HECW1: variants seen among roughly 807,000 people sequenced by gnomAD.
The protein encoded by HECW1 is E3 ubiquitin-protein ligase HECW1.
A neutral mutation model predicts 182.3 loss-of-function variants in HECW1; 61 were observed. The observed-to-expected ratio is 0.33, with a 90% confidence interval of 0.27 to 0.41. The LOEUF (loss-of-function observed/expected upper bound fraction) is 0.41. Ranked by LOEUF, HECW1 falls within the 10% of genes least tolerant of loss-of-function variation. HECW1 has a pLI of 1.00. For synonymous variants in HECW1, 859 were observed against 832.6 expected (o/e 1.03, Z -0.55); for missense variants, 1,739 against 2,108.9 (o/e 0.82, Z 3.44).
intron 26 of HECW1, among the ~76,000 whole-genome samples, chr7:43,547,616 A>C (rs972877430): frequency 2.6e-5 from 4 of 152,012 alleles, no homozygotes; most frequent in Admixed American, 1.3e-4. Flanking sequence ...CCAGGTTTTC[A>C]CACCTGCTGG....
intron 8 of HECW1, among the ~76,000 whole-genome samples, chr7:43,415,622 G>A (rs558566487): frequency 1.0e-4 from 15 of 149,650 alleles, no homozygotes; most frequent in East Asian, 7.9e-4. Context: ...CCTGCAGAGC[G>A]TTTTCCAACT....
chr7:43,282,778 ATAT>A (rs1345552296), intron 3 of HECW1, among the ~76,000 whole-genome samples: 12 of 152,184 alleles, frequency 7.9e-5, no homozygotes, highest in Non-Finnish European at 1.3e-4. Flanking sequence ...TATAGAATCA[ATAT>A]TATGCTTCAC....
At chr7:43,366,251 A>G (rs1021782518) in intron 6 of HECW1, among the ~76,000 whole-genome samples, 1 of 152,196 alleles carries the variant, frequency 6.6e-6, no homozygotes, top group Non-Finnish European at 1.5e-5. Flanking sequence ...ACATTTCCAC[A>G]CCAATATAGG....
intron 2 of HECW1, among the ~76,000 whole-genome samples, chr7:43,232,405 T>G (rs1437921999): frequency 6.6e-6 from 1 of 152,212 alleles, no homozygotes; most frequent in East Asian, 1.9e-4. Flanking sequence ...AAATGGAGGC[T>G]GGCTGTGCAA....
chr7:43,542,521 T>TTA (rs1048201701), intron 26 of HECW1, among the ~76,000 whole-genome samples: 12 of 151,156 alleles, frequency 7.9e-5, no homozygotes, highest in African/African-American at 2.2e-4. Context: ...TATGTGTATA[T>TTA]TATATATATA....
intron 2 of HECW1, among the ~76,000 whole-genome samples, chr7:43,210,767 C>CCA (rs1795939783): frequency 6.6e-6 from 1 of 152,132 alleles, no homozygotes; most frequent in Admixed American, 6.5e-5. Flanking sequence ...CAGCAATGGG[C>CCA]GCCTCACTGG....
At chr7:43,245,088 G>C (rs1333320841) in intron 3 of HECW1, among the ~76,000 whole-genome samples, 1 of 152,228 alleles carries the variant, frequency 6.6e-6, no homozygotes, top group Non-Finnish European at 1.5e-5. Context: ...GATTAAGGAA[G>C]CATTAAATTA....
chr7:43,200,900 C>G (rs1794963621), intron 2 of HECW1, among the ~76,000 whole-genome samples: 1 of 152,186 alleles, frequency 6.6e-6, no homozygotes, highest in South Asian at 2.1e-4. Flanking sequence ...GAAACCTTAC[C>G]AAAGCGGCTC....
intron 4 of HECW1, among the ~76,000 whole-genome samples, chr7:43,317,381 C>T (rs1019096863): frequency 6.6e-6 from 1 of 152,214 alleles, no homozygotes; most frequent in African/African-American, 2.4e-5. Flanking sequence ...TTCAGCAGGT[C>T]CCAGGGCAGC....
chr7:43,313,361 G>A (rs1487308291), intron 4 of HECW1, among the ~76,000 whole-genome samples: 2 of 145,208 alleles, frequency 1.4e-5, no homozygotes, highest in African/African-American at 5.5e-5. Context: ...TTTTGAGATG[G>A]AGTTTTGCTC....
At chr7:43,124,847 C>G (rs781715837) in intron 2 of HECW1, among the ~76,000 whole-genome samples, 14 of 152,134 alleles carry the variant, frequency 9.2e-5, no homozygotes, top group Non-Finnish European at 1.8e-4. Context: ...TCTCACTCAA[C>G]TTAATGATTT....
intron 2 of HECW1, among the ~76,000 whole-genome samples, chr7:43,184,005 T>TTTA (rs1416796875): frequency 2.7e-4 from 41 of 151,746 alleles, no homozygotes; most frequent in Non-Finnish European, 3.1e-4. Flanking sequence ...TGCCAATTCT[T>TTTA]TTATTATTAT....
rs552802149 is a variant in HECW1 at position 43,125,647 on chromosome 7, A to G, written c.-32+11256A>G. ...GTGTCACATGGCTGTAATCCCAGCT[A>G]CTTGGGAGGCTAAGGCAGGAGAATT... On this transcript the variant is annotated intron_variant, in intron 2 of 29. Transcript: ENST00000395891. Among the ~76,000 whole-genome samples, 8 of 149,666 alleles carry G rather than the reference A, an allele frequency of 5.3e-5. No individual in the cohort carries two copies. The South Asian group carries it at 1.7e-3, about 32-fold the overall frequency.
At chr7:43,431,159 C>A (rs574707186) in intron 8 of HECW1, among the ~76,000 whole-genome samples, 1 of 152,240 alleles carries the variant, frequency 6.6e-6, no homozygotes, top group South Asian at 2.1e-4. Context: ...TTTCCTTGAC[C>A]ACTCCAATCT....
chr7:43,177,240 T>C (rs1792352631), intron 2 of HECW1, among the ~76,000 whole-genome samples: 1 of 152,214 alleles, frequency 6.6e-6, no homozygotes, highest in Admixed American at 6.5e-5. Flanking sequence ...CTGTGGATGA[T>C]GCCCAGAGAG....
intron 3 of HECW1, among the ~76,000 whole-genome samples, chr7:43,244,492 C>G (rs573822576): frequency 6.6e-6 from 1 of 152,312 alleles, no homozygotes; most frequent in South Asian, 2.1e-4. Flanking sequence ...CTTTTGGTGA[C>G]AGCCCAGGTT....
intron 2 of HECW1, among the ~76,000 whole-genome samples, chr7:43,215,082 T>A (rs12537779): frequency 0.19 from 28,603 of 152,274 alleles, 2,830 homozygotes; most frequent in Middle Eastern, 0.33. Context: ...ATCCTGATTT[T>A]AAAAAATGTA....
chr7:43,397,370 G>C (rs1261669865), intron 7 of HECW1, among the ~76,000 whole-genome samples: 1 of 152,210 alleles, frequency 6.6e-6, no homozygotes. Context: ...TTAAGAGTAA[G>C]TTAACGTTTT....
chr7:43,270,762 A>G (rs1802307244), intron 3 of HECW1, among the ~76,000 whole-genome samples: 1 of 152,242 alleles, frequency 6.6e-6, no homozygotes, highest in Non-Finnish European at 1.5e-5. Flanking sequence ...TATTAGAATT[A>G]AAAAGAGTTA....
Sources: gnomAD v4.1 joint callset for allele counts (sites outside exome capture counted in the v4.1 genomes callset) on GRCh38, gnomAD v4.1.1 for gene constraint, MANE v1.5 for transcripts, NCBI Gene and HGNC (gene_info 2026-07-23, HGNC 2026-07-21) for gene names.